The following NPSR1 variants were observed in gnomAD, a reference collection of about 807,000 sequenced individuals.
NPSR1 encodes the protein neuropeptide S receptor.
NPSR1 carries 48 observed loss-of-function variants against 46.9 expected under a neutral mutation model. The ratio of observed to expected loss-of-function variants is 1.02; its 90% CI spans 0.81 to 1.30. The LOEUF (loss-of-function observed/expected upper bound fraction) is 1.30. Ranked by LOEUF, NPSR1 falls within the 50% of genes most tolerant of loss-of-function variation. The pLI is 0.00. For missense variants in NPSR1, 450 were observed against 449.5 expected (o/e 1.00, Z -0.01); for synonymous variants, 176 against 168.1 (o/e 1.05, Z -0.36).
At chr7:34,850,663 G>A (rs1227058882), downstream of NPSR1, among the ~76,000 whole-genome samples, 1 of 152,154 alleles carries the variant, frequency 6.6e-6, no homozygotes, top group Non-Finnish European at 1.5e-5. Flanking sequence ...GCCTCCCAAA[G>A]TGCTGGGATT....
At chr7:34,717,195 C>T (rs550853842) in intron 2 of NPSR1, among the ~76,000 whole-genome samples, 186 of 152,278 alleles carry the variant, frequency 1.2e-3, no homozygotes, top group Admixed American at 2.7e-3. Flanking sequence ...TGCAATAGCG[C>T]GAACTCAGCT....
At chr7:34,794,965 G>A (rs1788108123) in intron 3 of NPSR1, among the ~76,000 whole-genome samples, 1 of 152,082 alleles carries the variant, frequency 6.6e-6, no homozygotes, top group Admixed American at 6.6e-5. Flanking sequence ...TTTGAGCCCA[G>A]GGGTTAGAGG....
At chr7:34,827,827 C>T (rs1039067244) in intron 5 of NPSR1, among the ~76,000 whole-genome samples, 2 of 152,178 alleles carry the variant, frequency 1.3e-5, no homozygotes, top group Non-Finnish European at 2.9e-5. Context: ...ATAGGGCAGG[C>T]ATTGTGCTAA....
chr7:34,711,671 C>CA (rs1660632634), intron 2 of NPSR1, among the ~76,000 whole-genome samples: 1 of 152,186 alleles, frequency 6.6e-6, no homozygotes, highest in Non-Finnish European at 1.5e-5. Flanking sequence ...AATTTGCAGC[C>CA]AGTGCTGAGA....
intron 2 of NPSR1, among the ~76,000 whole-genome samples, chr7:34,746,626 T>G (rs1239466412): frequency 6.6e-6 from 1 of 152,222 alleles, no homozygotes; most frequent in African/African-American, 2.4e-5. Flanking sequence ...TTTCTATCAT[T>G]ACATAATTCT....
rs1231969394 is a variant in NPSR1 at position 34,704,958 on chromosome 7, C to A, written c.280+20274C>A. ...TTGCTGCAGGTTGTGGATAAGAGTT[C>A]TATTTTATGTATATGGTCTGGCCAT... is the stretch of plus-strand genomic sequence containing the variant. On this transcript the variant is annotated intron_variant, in intron 2 of 8. Transcript: ENST00000360581. 2.6e-5 allele frequency among the ~76,000 whole-genome samples: 4 copies of A among 152,112 alleles called. No homozygotes were observed. The East Asian group carries it at 7.7e-4, about 29-fold the overall frequency.
intron 1 of NPSR1, among the ~76,000 whole-genome samples, chr7:34,679,747 T>C (rs537197914): frequency 4.0e-4 from 61 of 152,208 alleles, no homozygotes; most frequent in African/African-American, 1.4e-3. Context: ...AATAAAAATA[T>C]TTCATTAAAA....
chr7:34,829,229 A>C (rs903505835), intron 5 of NPSR1, among the ~76,000 whole-genome samples: 2 of 152,246 alleles, frequency 1.3e-5, no homozygotes, highest in Non-Finnish European at 2.9e-5. Flanking sequence ...TCAGAGATTG[A>C]GATGGGCAAG....
intron 5 of NPSR1, 49 bp downstream of exon 5, chr7:34,827,651 G>GCC: frequency 9.8e-6 from 6 of 613,364 alleles, no homozygotes; most frequent in East Asian, 5.0e-5. Flanking sequence ...GGCGGGGGGG[G>GCC]CTTTCCTGTT....
At chr7:34,765,794 G>A (rs946944020) in intron 2 of NPSR1, among the ~76,000 whole-genome samples, 5 of 152,192 alleles carry the variant, frequency 3.3e-5, no homozygotes, top group African/African-American at 1.2e-4. Flanking sequence ...GTGAATTAAT[G>A]CAGAAACAGA....
intron 4 of NPSR1, among the ~76,000 whole-genome samples, chr7:34,822,121 T>G (rs559855723): frequency 1.1e-4 from 16 of 152,194 alleles, no homozygotes; most frequent in Non-Finnish European, 1.0e-4. Flanking sequence ...TTGTAGAGGA[T>G]GAACTGATAC....
In NPSR1 at chr7:34,767,605, G is replaced by C. The variant is rs1318513541; in HGVS notation, c.281-10857G>C. Among the ~76,000 whole-genome samples, 3 of 151,980 alleles carry C rather than the reference G, an allele frequency of 2.0e-5. No homozygotes were observed. In the East Asian group the frequency reaches 5.8e-4, roughly 29 times the overall value. On this transcript the variant is annotated intron_variant, in intron 2 of 8. Coordinates refer to ENST00000360581, the MANE Select transcript of NPSR1 (RefSeq NM_207172.2). ...AAAGGACAAAGAAAGTGGATGAGGA[G>C]AACAAAGTATTTAAAAATGATGGGA...
chr7:34,814,427 G>T (rs1789143424), intron 4 of NPSR1, among the ~76,000 whole-genome samples: 1 of 152,242 alleles, frequency 6.6e-6, no homozygotes, highest in Non-Finnish European at 1.5e-5. Context: ...GCTCAGCAAG[G>T]CCTACTGCCT....
chr7:34,658,603 G>C (rs975724060), intron 1 of NPSR1, 44 bp downstream of exon 1: 1 of 1,566,464 alleles, frequency 6.4e-7, no homozygotes, highest in Admixed American at 1.7e-5. Flanking sequence ...TTATAACAAT[G>C]AGACTGCTGG....
chr7:34,708,947 T>C (rs1277684782), intron 2 of NPSR1, among the ~76,000 whole-genome samples: 1 of 152,146 alleles, frequency 6.6e-6, no homozygotes, highest in Non-Finnish European at 1.5e-5. Context: ...TATTCCCATT[T>C]TCTAGGAGAG....
At chr7:34,701,510 G>A (rs1035899920) in intron 2 of NPSR1, among the ~76,000 whole-genome samples, 2 of 152,018 alleles carry the variant, frequency 1.3e-5, no homozygotes, top group African/African-American at 4.8e-5. Flanking sequence ...TCTCTTTTAG[G>A]AGTATTCATT....
chr7:34,684,970 G>T (rs1792854762), intron 2 of NPSR1, among the ~76,000 whole-genome samples: 1 of 152,088 alleles, frequency 6.6e-6, no homozygotes, highest in Admixed American at 6.6e-5. Flanking sequence ...ATACACAGTA[G>T]CCTCCATAGT....
In NPSR1 at chr7:34,829,950, T is replaced by C. The variant is rs139711766; in HGVS notation, c.680+2348T>C. Among the ~76,000 whole-genome samples the C allele has an allele frequency of 4.4e-3, 673 of 152,318 alleles. 3 individuals are homozygous for C. The highest frequency in any genetic ancestry group is 0.015 in the African/African-American group (641 of 41,560). ...CATCCTTGAGCTTCTCTGAAGCATT[T>C]CCTACCTGACAAGAGGCTCCTCTTC... On this transcript the variant is annotated intron_variant, in intron 5 of 8. Coordinates refer to ENST00000360581, the MANE Select transcript of NPSR1 (RefSeq NM_207172.2).
At chr7:34,710,803 C>T in intron 2 of NPSR1, 1 of 513,490 alleles carries the variant, frequency 1.9e-6, no homozygotes, top group Non-Finnish European at 3.6e-6. Context: ...GTGCCAGAAA[C>T]CCTTAAGAAA....
Sources: allele counts gnomAD v4.1 joint callset (sites outside exome capture counted in the v4.1 genomes callset), GRCh38; gene constraint gnomAD v4.1.1; transcripts MANE v1.5; gene names NCBI Gene and HGNC (gene_info 2026-07-23, HGNC 2026-07-21).